A2M: variants seen among roughly 807,000 people sequenced by gnomAD.
A2M encodes the protein alpha-2-macroglobulin.
A neutral mutation model predicts 183.9 loss-of-function variants in A2M; 128 were observed. That is an observed-to-expected ratio of 0.70 (90% CI 0.60 to 0.81). The LOEUF is 0.81. Among genes scored for constraint, A2M ranks in the 30% least tolerant of loss-of-function variants. A2M has a pLI of 0.00. For synonymous variants in A2M, 592 were observed against 670.8 expected (o/e 0.88, Z 1.81); for missense variants, 1,495 against 1,787.6 (o/e 0.84, Z 2.95).
At position 9,101,565 on chromosome 12, in the gene A2M, A is replaced by G. The variant is rs369362723; in HGVS notation, c.1376T>C (p.Val459Ala). The change falls in exon 12 of 36, where the codon GTC becomes GCC. Residue 459 changes from valine (V) to alanine (A), a missense_variant. Transcript: ENST00000318602. The stretch of plus-strand genomic sequence containing the variant: ...TTCATGAGACATGGGCTCAAGGTGG[A>G]CAAAGCTCTTGCTTGGGGAGAACAC... ...YLVFSPSKSFVHLEPMSHELP... is the reference protein window; with the variant it reads ...YLVFSPSKSFAHLEPMSHELP... The G allele has an allele frequency of 1.1e-5, 17 of 1,613,898 alleles. No individual in the cohort carries two copies. The highest frequency in any genetic ancestry group is 1.4e-5 in the Non-Finnish European group (16 of 1,179,902).
At chr12:9,080,207 A>G in intron 22 of A2M, 30 bp from the exon 23 acceptor site, 1 of 1,429,142 alleles carries the variant, frequency 7.0e-7, no homozygotes, top group Non-Finnish European at 9.7e-7. Context: ...AGACATATGA[A>G]AATTATTTCT....
intron 26 of A2M, 132 bp downstream of exon 26, chr12:9,077,567 CCT>C: frequency 2.0e-6 from 3 of 1,486,002 alleles, no homozygotes; most frequent in Non-Finnish European, 2.7e-6. Context: ...TGTTCTATCC[CCT>C]CTTTTTTGGT....
chr12:9,074,723 T>A lies in A2M; in HGVS notation c.3593A>T (p.Glu1198Val), dbSNP rs1486214613. ...CACCTCAGCAGAGGGAGCCTGGGGT[T>A]CGTAAAAATGCCCCACTGGTGCCTT... ...KPKAPVGHFY[E>V]PQAPSAEVEM... Residue 1198 changes from glutamate (E) to valine (V), a missense_variant, in exon 29 of 36, where the codon GAA becomes GTA. Transcript: ENST00000318602. 5 of 1,613,952 alleles carry A rather than the reference T, an allele frequency of 3.1e-6. No individual in the cohort carries two copies. Among genetic ancestry groups the A allele is most frequent in the Non-Finnish European group, 4.2e-6 (5 of 1,179,970 alleles).
chr12:9,106,958 G>A (rs1057092000), intron 8 of A2M, among the ~76,000 whole-genome samples: 1 of 152,124 alleles, frequency 6.6e-6, no homozygotes, highest in African/African-American at 2.4e-5. Context: ...TGATCACATC[G>A]CGGGATTTAG....
rs921037192 is a variant in A2M, at chr12:9,091,358, C to G, written c.2312G>C (p.Cys771Ser). ...TITEWKAGAF[C>S]LSEDAGLGIS... ...ACCAAGTCCAGCATCTTCAGACAGGCAGAAGGCCCCTGCCTTCCACTCGGT... is the reference window on the plus strand; with the variant it reads ...ACCAAGTCCAGCATCTTCAGACAGGGAGAAGGCCCCTGCCTTCCACTCGGT... The change falls in exon 19 of 36, where the codon TGC (cysteine) becomes TCC (serine). Residue 771 changes from cysteine (C) to serine (S), a missense_variant. Physicochemically the swap from Cys to Ser is moderately radical, Grantham distance 112. Transcript: ENST00000318602. 6.2e-7 allele frequency: 1 copy of G among 1,614,078 alleles called. No homozygotes were observed.
chr12:9,106,470 A>G, intron 9 of A2M, 21 bp downstream of exon 9: 1 of 1,503,846 alleles, frequency 6.6e-7, no homozygotes, highest in Non-Finnish European at 9.2e-7. Flanking sequence ...GTTTTCTCTT[A>G]TACCCATGTA....
intron 15 of A2M, 148 bp from the exon 16 acceptor site, chr12:9,095,848 T>C (rs994832864): frequency 1.1e-5 from 7 of 612,800 alleles, no homozygotes; most frequent in East Asian, 3.5e-5. Flanking sequence ...CAAGCTCCGC[T>C]TCCCGGGTTC....
At chr12:9,083,385 AT>A (rs1683304319) in intron 22 of A2M, among the ~76,000 whole-genome samples, 1 of 151,772 alleles carries the variant, frequency 6.6e-6, no homozygotes, top group Non-Finnish European at 1.5e-5. Context: ...AACTTAAAGT[AT>A]AAAAAAAAAA....
At chr12:9,112,312 G>C in intron 3 of A2M, 65 bp downstream of exon 3, 2 of 1,601,698 alleles carry the variant, frequency 1.2e-6, no homozygotes, top group South Asian at 2.2e-5. Context: ...ACTTTGCCTG[G>C]GGAACATCCA....
intron 5 of A2M, 134 bp downstream of exon 5, chr12:9,110,180 T>C (rs1938617782): frequency 9.0e-7 from 1 of 1,116,286 alleles, no homozygotes; most frequent in Non-Finnish European, 1.3e-6. Flanking sequence ...GTTATAGCCA[T>C]CTAGCTCTAT....
At chr12:9,088,935 ACCTATG>A (rs2137775096) in intron 22 of A2M, among the ~76,000 whole-genome samples, 1 of 152,264 alleles carries the variant, frequency 6.6e-6, no homozygotes, top group East Asian at 1.9e-4. Flanking sequence ...CCCACTTTCT[ACCTATG>A]CCCATACCAT....
chr12:9,076,832 A>G lies in A2M; in HGVS notation c.3456T>C (p.Tyr1152=), dbSNP rs372050343. The change falls in exon 28 of 36, where the codon TAT becomes TAC. Residue 1152 remains tyrosine (Y), a synonymous_variant. Coordinates refer to ENST00000318602, the MANE Select transcript of A2M (RefSeq NM_000014.6). ...SHVYTKALLA[Y]AFALAGNQDK... Reference sequence around the variant, plus strand: ...CCTGGTTACCTGCCAGGGCAAAAGCATAGGCCAGCAGTGCTTTGGTATATA... The same window carrying G: ...CCTGGTTACCTGCCAGGGCAAAAGCGTAGGCCAGCAGTGCTTTGGTATATA... 2.6e-4 allele frequency: 419 copies of G among 1,614,060 alleles called. 1 individual carries two copies. In the African/African-American group the frequency reaches 4.9e-3, roughly 19 times the overall value.
At chr12:9,079,160 A>G in intron 25 of A2M, 84 bp downstream of exon 25, 2 of 1,012,016 alleles carry the variant, frequency 2.0e-6, no homozygotes, top group Non-Finnish European at 3.0e-6. Context: ...CATATCTGAT[A>G]GTGTTGCTGT....
intron 10 of A2M, among the ~76,000 whole-genome samples, chr12:9,105,770 T>TA (rs1938239204): frequency 6.6e-6 from 1 of 152,220 alleles, no homozygotes; most frequent in East Asian, 1.9e-4. Flanking sequence ...ATCCATGAAA[T>TA]AAACATTATT....
intron 29 of A2M, among the ~76,000 whole-genome samples, chr12:9,073,813 C>T (rs921915245): frequency 9.2e-4 from 140 of 152,072 alleles, no homozygotes; most frequent in African/African-American, 3.2e-3. Flanking sequence ...GGGGGCTGGA[C>T]GCAGTGGCTC....
intron 11 of A2M, among the ~76,000 whole-genome samples, chr12:9,102,720 A>T (rs1592380662): frequency 6.6e-6 from 1 of 152,178 alleles, no homozygotes. Flanking sequence ...TATTTTGGTG[A>T]CAACACATAT....
At chr12:9,111,779 T>G (rs1240498582) in intron 4 of A2M, among the ~76,000 whole-genome samples, 1 of 152,196 alleles carries the variant, frequency 6.6e-6, no homozygotes, top group Non-Finnish European at 1.5e-5. Flanking sequence ...TTACCCTGAC[T>G]TTCCTTTATA....
At chr12:9,099,017 G>A (rs73051935) in intron 14 of A2M, among the ~76,000 whole-genome samples, 4,705 of 151,988 alleles carry the variant, frequency 0.031, 115 homozygotes, top group Non-Finnish European at 0.049. Context: ...TTTGATACAC[G>A]GCAAGGTGCT....
At chr12:9,073,742 T>A (rs1398302570) in intron 29 of A2M, among the ~76,000 whole-genome samples, 2 of 152,222 alleles carry the variant, frequency 1.3e-5, no homozygotes, top group Non-Finnish European at 2.9e-5. Flanking sequence ...GGAGGTTGGA[T>A]GAATAAAGAC....
Sources: gnomAD v4.1 joint callset for allele counts (sites outside exome capture counted in the v4.1 genomes callset) on GRCh38, gnomAD v4.1.1 for gene constraint, MANE v1.5 for transcripts, NCBI Gene and HGNC (gene_info 2026-07-23, HGNC 2026-07-21) for gene names.